DNAH8: variants seen among roughly 807,000 people sequenced by gnomAD.
DNAH8 encodes dynein axonemal heavy chain 8.
A neutral mutation model predicts 562.1 loss-of-function variants in DNAH8; 382 were observed. That is an observed-to-expected ratio of 0.68 (90% CI 0.63 to 0.74). The LOEUF is 0.74. Among genes scored for constraint, DNAH8 ranks in the 30% least tolerant of loss-of-function variants. The probability of loss-of-function intolerance (pLI) is 0.00; values close to 1 mark genes in which losing one functional copy is unlikely to be tolerated. For missense variants in DNAH8, 5,203 were observed against 5,620.4 expected (o/e 0.93, Z 2.37); for synonymous variants, 1,881 against 1,919.4 (o/e 0.98, Z 0.52).
intron 88 of DNAH8, among the ~76,000 whole-genome samples, chr6:38,991,361 T>C (rs998125649): frequency 8.5e-5 from 13 of 152,214 alleles, no homozygotes; most frequent in Non-Finnish European, 1.6e-4. Flanking sequence ...CTTGCTGTTA[T>C]CTAAGGAGGC....
At chr6:38,972,782 T>A (rs765388598) in intron 83 of DNAH8, among the ~76,000 whole-genome samples, 1 of 152,166 alleles carries the variant, frequency 6.6e-6, no homozygotes, top group Non-Finnish European at 1.5e-5. Flanking sequence ...GCTGGCATTG[T>A]GGAACACAGA....
chr6:38,995,052 C>T (rs1273327821), intron 88 of DNAH8, among the ~76,000 whole-genome samples: 5 of 138,226 alleles, frequency 3.6e-5, no homozygotes, highest in African/African-American at 8.0e-5. Context: ...AGTCTCCCCT[C>T]ATTGCTCTTT....
chr6:38,782,979 T>A, intron 16 of DNAH8, 25 bp from the exon 17 acceptor site: 5 of 1,598,398 alleles, frequency 3.1e-6, no homozygotes, highest in Non-Finnish European at 4.3e-6. Flanking sequence ...TCTTTTAAAG[T>A]AAATCTTTTC....
At chr6:38,804,321 A>G (rs975911231) in intron 22 of DNAH8, among the ~76,000 whole-genome samples, 3 of 152,374 alleles carry the variant, frequency 2.0e-5, no homozygotes, top group East Asian at 1.9e-4. Context: ...TGTCCTAGAT[A>G]TAACAAATCT....
Position 38,823,549 on chromosome 6 carries a change from T to G in DNAH8, c.3721-13T>G, listed in dbSNP as rs1773061676. On this transcript the variant is annotated splice_polypyrimidine_tract_variant and intron_variant, in intron 27 of 92. Transcript: ENST00000327475. ...GTTAAAAAATTAAAATATTGACTAT[T>G]TTCTTACCACAGGAATTTTTGGCTA... is the stretch of plus-strand genomic sequence containing the variant. 1.3e-6 allele frequency: 2 copies of G among 1,586,054 alleles called. No individual in the cohort carries two copies. The highest frequency in any genetic ancestry group is 1.7e-6 in the Non-Finnish European group (2 of 1,158,918).
At position 38,857,492 on chromosome 6, in the gene DNAH8, T is replaced by G. The variant is rs1336013758; in HGVS notation, c.5734-26T>G. On this transcript the variant is annotated intron_variant, in intron 41 of 92. Transcript: ENST00000327475. ...ATGTGCTTTAAATATTTGGCAAATT[T>G]TAATATTTTTCTGCTGGATCTGTAG... 2.0e-6 allele frequency: 3 copies of G among 1,533,370 alleles called. No individual in the cohort carries two copies. In the South Asian group the frequency reaches 3.5e-5, roughly 18 times the overall value. 95.0% of individuals were successfully genotyped at this position (1,533,370 alleles called of 1,614,324 possible). A position where few individuals can be genotyped will look rare whatever the true frequency, so the allele number is the denominator to read the frequency against.
intron 36 of DNAH8, among the ~76,000 whole-genome samples, chr6:38,847,888 A>G (rs759922627): frequency 6.6e-5 from 10 of 152,090 alleles, no homozygotes; most frequent in African/African-American, 1.9e-4. Flanking sequence ...GACCCCTTGT[A>G]TTCTCATAAA....
At position 38,781,307 on chromosome 6, in the gene DNAH8, A is replaced by G. The variant is rs532980633; in HGVS notation, c.2193A>G (p.Ile731Met). The change falls in exon 16 of 93, where the codon ATA becomes ATG. Residue 731 changes from isoleucine to methionine, a missense_variant. Transcript: ENST00000327475. ...DPPLARNMPP[I>M]AGKILWVRQL... ...CTCTTGCTCGCAACATGCCCCCTAT[A>G]GCAGGAAAAATACTCTGGGTGAGGC... The G allele has an allele frequency of 1.9e-6, 3 of 1,613,914 alleles. No individual in the cohort carries two copies. In the South Asian group the frequency reaches 3.3e-5, roughly 18 times the overall value.
intron 62 of DNAH8, among the ~76,000 whole-genome samples, chr6:38,904,920 A>C (rs1343969605): frequency 6.6e-6 from 1 of 152,176 alleles, no homozygotes; most frequent in East Asian, 1.9e-4. Flanking sequence ...GGAAGAGAAG[A>C]AGCACAGAGA....
chr6:38,963,340 A>G (rs1762750084), intron 82 of DNAH8, among the ~76,000 whole-genome samples: 1 of 105,148 alleles, frequency 9.5e-6, no homozygotes, highest in Admixed American at 1.1e-4. Context: ...AGACATTTAA[A>G]TACATTTTCT....
chr6:38,805,051 G>C (rs530724257), intron 22 of DNAH8, among the ~76,000 whole-genome samples: 1 of 152,252 alleles, frequency 6.6e-6, no homozygotes, highest in South Asian at 2.1e-4. Context: ...CTGAGGATGA[G>C]AAAGCCTCAG....
At chr6:38,753,399 A>T (rs1453289773) in intron 9 of DNAH8, among the ~76,000 whole-genome samples, 1 of 152,168 alleles carries the variant, frequency 6.6e-6, no homozygotes, top group East Asian at 1.9e-4. Context: ...AGCATTTCAG[A>T]TTGCTCACAA....
chr6:38,825,679 G>A (rs1773251759), intron 28 of DNAH8, among the ~76,000 whole-genome samples: 1 of 152,128 alleles, frequency 6.6e-6, no homozygotes, highest in Non-Finnish European at 1.5e-5. Context: ...CAACTGGCTA[G>A]GTCCAGGGTC....
At chr6:38,988,677 ATAT>A (rs1752285575) in intron 87 of DNAH8, among the ~76,000 whole-genome samples, 1 of 151,984 alleles carries the variant, frequency 6.6e-6, no homozygotes, top group Non-Finnish European at 1.5e-5. Flanking sequence ...TGTCCACCCT[ATAT>A]TCCATTATTC....
intron 41 of DNAH8, among the ~76,000 whole-genome samples, chr6:38,855,578 G>C (rs556381335): frequency 6.6e-6 from 1 of 152,052 alleles, no homozygotes; most frequent in Non-Finnish European, 1.5e-5. Flanking sequence ...TGTATAATAT[G>C]TCTTGTGATC....
At chr6:38,849,811 GTCTTTTT>G (rs1775600146) in intron 37 of DNAH8, among the ~76,000 whole-genome samples, 1 of 152,064 alleles carries the variant, frequency 6.6e-6, no homozygotes, top group Non-Finnish European at 1.5e-5. Context: ...TGGCTTTACT[GTCTTTTT>G]TCTTTTTTTC....
At position 38,723,295 on chromosome 6, in the gene DNAH8, T is replaced by G. The variant is rs186940672; in HGVS notation, c.391-42T>G. On this transcript the variant is annotated intron_variant, in intron 2 of 92. Coordinates refer to ENST00000327475, the MANE Select transcript of DNAH8 (RefSeq NM_001206927.2). ...AAGTATGAAACAGTTTGATATTTTT[T>G]CTTCAGAATTGCAATTTTTGAACTT... The G allele has an allele frequency of 1.1e-5, 18 of 1,579,446 alleles. No homozygotes were observed. The Admixed American group carries it at 2.1e-4, about 19-fold the overall frequency.
Position 38,945,393 on chromosome 6 carries a change from A to T in DNAH8, c.12008-74A>T, listed in dbSNP as rs117943768. 31 of 1,508,714 alleles carry T rather than the reference A, an allele frequency of 2.1e-5. 1 individual carries two copies. In the East Asian group the frequency reaches 2.7e-4, roughly 13 times the overall value. 93.5% of individuals were successfully genotyped at this position (1,508,714 alleles called of 1,614,324 possible). A position where few individuals can be genotyped will look rare whatever the true frequency, so the allele number is the denominator to read the frequency against. On this transcript the variant is annotated intron_variant, in intron 79 of 92. Coordinates refer to ENST00000327475, the MANE Select transcript of DNAH8 (RefSeq NM_001206927.2). Reference sequence around the variant, plus strand: ...TCAGTAATGTGGCTATTTTGCTTTTATTATTTGAAAAGTACATTTCTAGAA... The same window carrying T: ...TCAGTAATGTGGCTATTTTGCTTTTTTTATTTGAAAAGTACATTTCTAGAA...
At chr6:38,826,082 G>T in intron 28 of DNAH8, 74 bp from the exon 29 acceptor site, 1 of 985,636 alleles carries the variant, frequency 1.0e-6, no homozygotes, top group South Asian at 1.8e-5. Flanking sequence ...GAATTGGACA[G>T]AGCAATTATA....
Sources: allele counts gnomAD v4.1 joint callset (sites outside exome capture counted in the v4.1 genomes callset), GRCh38; gene constraint gnomAD v4.1.1; transcripts MANE v1.5; gene names NCBI Gene and HGNC (gene_info 2026-07-23, HGNC 2026-07-21).